The following SGCZ variants were observed in gnomAD, a reference collection of about 807,000 sequenced individuals.
The protein encoded by SGCZ is zeta-sarcoglycan.
In SGCZ, 40 loss-of-function variants were observed where a neutral mutation model predicts 41.3. The ratio of observed to expected loss-of-function variants is 0.97; its 90% confidence interval spans 0.75 to 1.26. SGCZ has a LOEUF of 1.26. SGCZ is among the 50% of genes most tolerant of loss of function. SGCZ has a pLI of 0.00. For synonymous variants in SGCZ, 206 were observed against 137.5 expected, an observed-to-expected ratio of 1.50 and a Z score of -3.49; for missense variants, 552 against 369.8, an observed-to-expected ratio of 1.49 and a Z score of -4.04.
chr8:14,276,721 T>C lies in SGCZ; in HGVS notation c.337-39042A>G, dbSNP rs537634364. Among the ~76,000 whole-genome samples, 70 of 152,192 alleles carry C rather than the reference T, an allele frequency of 4.6e-4. 1 individual carries two copies. The highest frequency in any genetic ancestry group is 8.8e-4 in the Non-Finnish European group (60 of 68,038). On this transcript the variant is annotated intron_variant, in intron 3 of 7. Coordinates refer to ENST00000382080, the MANE Select transcript of SGCZ (RefSeq NM_139167.4). ...TATTATTCTAAAAATTCAAATTTGATGATTTAATTCTACGCCACCACTCTG... is the reference window on the plus strand; with the variant it reads ...TATTATTCTAAAAATTCAAATTTGACGATTTAATTCTACGCCACCACTCTG...
intron 1 of SGCZ, among the ~76,000 whole-genome samples, chr8:14,933,518 G>A (rs1170976976): frequency 7.1e-6 from 1 of 141,144 alleles, no homozygotes; most frequent in East Asian, 2.2e-4. Context: ...TGCAAGCTCC[G>A]CCTCCCGCGT....
intron 1 of SGCZ, among the ~76,000 whole-genome samples, chr8:14,841,349 A>G (rs1158767169): frequency 6.6e-6 from 1 of 152,064 alleles, no homozygotes; most frequent in Non-Finnish European, 1.5e-5. Context: ...TCAAAAGGCT[A>G]CTATCTAGAA....
At chr8:15,135,139 C>A (rs1292475559) in intron 1 of SGCZ, among the ~76,000 whole-genome samples, 1 of 152,040 alleles carries the variant, frequency 6.6e-6, no homozygotes, top group Admixed American at 6.6e-5. Context: ...GAGTTTTGAC[C>A]CTTTCTAAAT....
intron 1 of SGCZ, among the ~76,000 whole-genome samples, chr8:14,901,109 C>T (rs1798952858): frequency 2.6e-5 from 4 of 152,272 alleles, no homozygotes; most frequent in Admixed American, 2.0e-4. Flanking sequence ...TGAAACTTGG[C>T]ACATTTCTGG....
intron 1 of SGCZ, among the ~76,000 whole-genome samples, chr8:15,019,285 G>T (rs932250267): frequency 6.6e-6 from 1 of 152,156 alleles, no homozygotes; most frequent in Non-Finnish European, 1.5e-5. Context: ...GCAGAGAAAT[G>T]GAAGAATTTG....
At chr8:14,429,167 A>C (rs1024489964) in intron 2 of SGCZ, among the ~76,000 whole-genome samples, 7 of 152,168 alleles carry the variant, frequency 4.6e-5, no homozygotes, top group Non-Finnish European at 8.8e-5. Flanking sequence ...ACATACAGTA[A>C]AACATAAACA....
At position 14,441,563 on chromosome 8, in the gene SGCZ, G is replaced by A. The variant is rs781267540; in HGVS notation, c.234+113169C>T. Reference sequence around the variant, plus strand: ...GCACTCCAGCCTGGTGATAGAGCAAGACCCCATCTCAAAAATAAAACAAAA... The same window carrying A: ...GCACTCCAGCCTGGTGATAGAGCAAAACCCCATCTCAAAAATAAAACAAAA... On this transcript the variant is annotated intron_variant, in intron 2 of 7. Coordinates refer to ENST00000382080, the MANE Select transcript of SGCZ (RefSeq NM_139167.4). Among the ~76,000 whole-genome samples, 141 of 152,114 alleles carry A rather than the reference G, an allele frequency of 9.3e-4. 1 individual carries two copies. The highest frequency in any genetic ancestry group is 7.4e-5 in the Non-Finnish European group (5 of 68,022).
intron 1 of SGCZ, among the ~76,000 whole-genome samples, chr8:14,755,119 T>G (rs1263218189): frequency 6.6e-6 from 1 of 152,250 alleles, no homozygotes; most frequent in Non-Finnish European, 1.5e-5. Flanking sequence ...GAATATATAT[T>G]TTTTCTGTAA....
At chr8:14,404,035 G>A (rs994958861) in intron 2 of SGCZ, among the ~76,000 whole-genome samples, 2 of 151,996 alleles carry the variant, frequency 1.3e-5, no homozygotes, top group Non-Finnish European at 2.9e-5. Flanking sequence ...GAGGAGGGGG[G>A]CCAACAAATC....
intron 1 of SGCZ, among the ~76,000 whole-genome samples, chr8:15,139,915 T>C (rs1458643595): frequency 6.6e-6 from 1 of 152,218 alleles, no homozygotes; most frequent in East Asian, 1.9e-4. Context: ...TCACTATTAC[T>C]TTATACCTGA....
chr8:14,442,478 A>T (rs184647337), intron 2 of SGCZ, among the ~76,000 whole-genome samples: 17 of 152,284 alleles, frequency 1.1e-4, no homozygotes, highest in Admixed American at 7.8e-4. Flanking sequence ...TGTCTTTAAT[A>T]GCAGCATGAA....
chr8:14,295,625 T>C (rs556454745), intron 3 of SGCZ, among the ~76,000 whole-genome samples: 1 of 152,158 alleles, frequency 6.6e-6, no homozygotes, highest in South Asian at 2.1e-4. Context: ...GTAATATACA[T>C]TTTTGGTCAT....
intron 4 of SGCZ, among the ~76,000 whole-genome samples, chr8:14,195,462 A>G (rs1252085066): frequency 1.3e-5 from 2 of 152,156 alleles, no homozygotes; most frequent in African/African-American, 4.8e-5. Context: ...CTGAGGAAGA[A>G]CAAAAGGGGA....
At chr8:14,330,025 C>T (rs1051279087) in intron 2 of SGCZ, among the ~76,000 whole-genome samples, 5 of 151,996 alleles carry the variant, frequency 3.3e-5, no homozygotes, top group Admixed American at 6.6e-5. Context: ...ATGCTCTTAC[C>T]GTATTCCAAA....
At chr8:14,853,105 G>A (rs192829711) in intron 1 of SGCZ, among the ~76,000 whole-genome samples, 1 of 152,296 alleles carries the variant, frequency 6.6e-6, no homozygotes. Context: ...TTTGAAGAAA[G>A]TCAAATTAAA....
intron 1 of SGCZ, among the ~76,000 whole-genome samples, chr8:14,917,447 T>C (rs1211813899): frequency 6.6e-6 from 1 of 152,136 alleles, no homozygotes; most frequent in Non-Finnish European, 1.5e-5. Flanking sequence ...TACAGTTTAA[T>C]CAATAAAATT....
At chr8:14,891,209 T>G (rs1805003111) in intron 1 of SGCZ, among the ~76,000 whole-genome samples, 1 of 152,212 alleles carries the variant, frequency 6.6e-6, no homozygotes, top group African/African-American at 2.4e-5. Flanking sequence ...TCACAGATAG[T>G]AATTCCTCTG....
At chr8:15,187,482 T>G (rs925388577) in intron 1 of SGCZ, among the ~76,000 whole-genome samples, 4 of 152,222 alleles carry the variant, frequency 2.6e-5, no homozygotes, top group African/African-American at 9.6e-5. Flanking sequence ...TTAAATTTGA[T>G]GTGATTTTAG....
At chr8:14,330,075 T>G (rs1447844060) in intron 2 of SGCZ, among the ~76,000 whole-genome samples, 1 of 152,168 alleles carries the variant, frequency 6.6e-6, no homozygotes, top group Admixed American at 6.6e-5. Flanking sequence ...AATATCCTAG[T>G]CAGAAATAAC....
Sources: allele counts gnomAD v4.1 joint callset (sites outside exome capture counted in the v4.1 genomes callset), GRCh38; gene constraint gnomAD v4.1.1; transcripts MANE v1.5; gene names NCBI Gene and HGNC (gene_info 2026-07-23, HGNC 2026-07-21).